The following FAM227B variants were observed in gnomAD, a reference collection of about 807,000 sequenced individuals.
FAM227B encodes the protein protein FAM227B.
FAM227B carries 88 observed loss-of-function variants against 73.8 expected under a neutral mutation model. That is an observed-to-expected ratio of 1.19 (90% CI 1.00 to 1.42). The LOEUF is 1.42. FAM227B is among the 40% of genes most tolerant of loss of function. The pLI, the probability that FAM227B is intolerant of heterozygous loss-of-function variation, is 0.00. For missense variants in FAM227B, 632 were observed against 590.9 expected (o/e 1.07, Z -0.72); for synonymous variants, 210 against 190.5 (o/e 1.10, Z -0.84).
intron 11 of FAM227B, among the ~76,000 whole-genome samples, chr15:49,478,282 C>T (rs1400510612): frequency 1.3e-5 from 2 of 151,940 alleles, no homozygotes; most frequent in South Asian, 2.1e-4. Context: ...TGCTTATTTG[C>T]CCTTTGTGTA....
intron 11 of FAM227B, among the ~76,000 whole-genome samples, chr15:49,411,348 T>C (rs2048862241): frequency 6.6e-6 from 1 of 152,094 alleles, no homozygotes; most frequent in African/African-American, 2.4e-5. Flanking sequence ...AATCAAAATA[T>C]ATTCTAGGTA....
At chr15:49,352,688 T>C (rs900552029) in intron 13 of FAM227B, among the ~76,000 whole-genome samples, 5 of 152,166 alleles carry the variant, frequency 3.3e-5, no homozygotes, top group Admixed American at 6.5e-5. Context: ...TCCCTAAAGA[T>C]AAGACAGTGA....
At position 49,368,436 on chromosome 15, in the gene FAM227B, G is replaced by A. The variant is rs1567167163; in HGVS notation, c.1111-828C>T. 7.2e-5 allele frequency among the ~76,000 whole-genome samples: 11 copies of A among 152,052 alleles called. No individual in the cohort carries two copies. The South Asian group carries it at 2.3e-3, about 32-fold the overall frequency. ...GTTCTCTTGAATTTCTTTTGCTTAT[G>A]GTCACTTTTTTATTCTATAGGTTTT... On this transcript the variant is annotated intron_variant, in intron 12 of 15. Coordinates refer to ENST00000299338, the MANE Select transcript of FAM227B (RefSeq NM_152647.3).
At chr15:49,411,073 T>C (rs1039302937) in intron 11 of FAM227B, among the ~76,000 whole-genome samples, 1 of 150,620 alleles carries the variant, frequency 6.6e-6, no homozygotes, top group Non-Finnish European at 1.5e-5. Context: ...GAAAAAAATA[T>C]AAAAAAGTGG....
intron 9 of FAM227B, among the ~76,000 whole-genome samples, chr15:49,553,100 T>C (rs968795867): frequency 5.3e-5 from 8 of 152,182 alleles, no homozygotes; most frequent in African/African-American, 1.9e-4. Flanking sequence ...TTATAGCTGT[T>C]CTACTTGGGA....
Position 49,371,360 on chromosome 15 carries a change from C to G in FAM227B, c.1052G>C (p.Arg351Thr). ...CTTGGATATGGGCAACGTATATGCT[C>G]TTGGGTTGTTCAGAATCTTTATAAT... ...FNIIKILNNP[R>T]AYTLPISKEE... Residue 351 changes from arginine (R) to threonine (T), a missense_variant, in exon 12 of 16, where the codon AGA becomes ACA. Physicochemically the swap from Arg to Thr is moderately conservative, Grantham distance 71 (BLOSUM62 -1). Transcript: ENST00000299338. 6.2e-7 allele frequency: 1 copy of G among 1,601,114 alleles called. No homozygotes were observed. Among genetic ancestry groups the G allele is most frequent in the East Asian group, 2.3e-5 (1 of 44,350 alleles).
intron 3 of FAM227B, among the ~76,000 whole-genome samples, chr15:49,607,091 A>T (rs558770525): frequency 1.3e-5 from 2 of 152,314 alleles, no homozygotes; most frequent in South Asian, 4.1e-4. Flanking sequence ...CAGAAATTTC[A>T]AACCCACCTT....
At chr15:49,519,380 G>T (rs988939057) in intron 10 of FAM227B, among the ~76,000 whole-genome samples, 5 of 152,172 alleles carry the variant, frequency 3.3e-5, no homozygotes, top group African/African-American at 1.2e-4. Flanking sequence ...TCTATGTGGG[G>T]ACTCTCACCC....
intron 10 of FAM227B, among the ~76,000 whole-genome samples, chr15:49,523,219 GT>G (rs2059912365): frequency 6.6e-6 from 1 of 152,188 alleles, no homozygotes; most frequent in Non-Finnish European, 1.5e-5. Context: ...AGCTGATATG[GT>G]TTGGCTGTGT....
chr15:49,516,626 G>A (rs958180446), intron 10 of FAM227B, among the ~76,000 whole-genome samples: 3 of 151,728 alleles, frequency 2.0e-5, no homozygotes, highest in Non-Finnish European at 4.4e-5. Flanking sequence ...TTGTAAGGCT[G>A]GGATGTGGAA....
Position 49,462,206 on chromosome 15 carries a change from A to C in FAM227B, c.1012+46005T>G, listed in dbSNP as rs2053862574. On this transcript the variant is annotated intron_variant, in intron 11 of 15. Transcript: ENST00000299338. Reference sequence around the variant, plus strand: ...CTGGGATGACTTAGGAGGATCTGGGATGAAAAAAAGATTGATTATTGCTTT... The same window carrying C: ...CTGGGATGACTTAGGAGGATCTGGGCTGAAAAAAAGATTGATTATTGCTTT... 2.0e-5 allele frequency among the ~76,000 whole-genome samples: 3 copies of C among 152,162 alleles called. No homozygotes were observed. The South Asian group carries it at 6.2e-4, about 32-fold the overall frequency.
intron 13 of FAM227B, chr15:49,365,751 C>G: frequency 1.2e-6 from 1 of 866,492 alleles, no homozygotes; most frequent in Non-Finnish European, 2.0e-6. Flanking sequence ...TCCAAGCCCA[C>G]CTGTCTTCAT....
intron 11 of FAM227B, among the ~76,000 whole-genome samples, chr15:49,440,383 T>C (rs112556413): frequency 0.023 from 3,531 of 151,774 alleles, 88 homozygotes; most frequent in South Asian, 0.13. Flanking sequence ...AAAGTATTTA[T>C]AGTGAAAAGC....
At chr15:49,612,612 T>C (rs1352859873) in intron 2 of FAM227B, among the ~76,000 whole-genome samples, 2 of 152,156 alleles carry the variant, frequency 1.3e-5, no homozygotes, top group East Asian at 3.9e-4. Flanking sequence ...AAAATACTTC[T>C]AGAGAATGAA....
rs544513663 is a variant in FAM227B at position 49,355,004 on chromosome 15, C to T, written c.1271+12444G>A. Among the ~76,000 whole-genome samples the T allele has an allele frequency of 4.9e-3, 733 of 150,616 alleles. 6 individuals are homozygous for T. The highest frequency in any genetic ancestry group is 0.016 in the African/African-American group (652 of 40,190). ...CACTGACACCTCACACGGCAGGGTA[C>T]TCCAACAGACCTGCAGCTGAGGGTC... is the stretch of plus-strand genomic sequence containing the variant. On this transcript the variant is annotated intron_variant, in intron 13 of 15. Transcript: ENST00000299338.
At chr15:49,364,145 A>G (rs1413113073) in intron 13 of FAM227B, among the ~76,000 whole-genome samples, 1 of 152,188 alleles carries the variant, frequency 6.6e-6, no homozygotes, top group African/African-American at 2.4e-5. Context: ...GTTAGGAAAG[A>G]GTCCCTCCTC....
At chr15:49,557,561 G>A (rs1350557212) in intron 9 of FAM227B, among the ~76,000 whole-genome samples, 1 of 152,184 alleles carries the variant, frequency 6.6e-6, no homozygotes, top group African/African-American at 2.4e-5. Flanking sequence ...CAAGTGGATT[G>A]TCAAGGAGAT....
intron 12 of FAM227B, among the ~76,000 whole-genome samples, chr15:49,370,797 G>A (rs1354577685): frequency 6.6e-6 from 1 of 152,114 alleles, no homozygotes; most frequent in African/African-American, 2.4e-5. Flanking sequence ...AACACATGGT[G>A]GTGAGTACAT....
intron 13 of FAM227B, among the ~76,000 whole-genome samples, chr15:49,338,441 T>C (rs1231873617): frequency 6.6e-6 from 1 of 152,258 alleles, no homozygotes; most frequent in Non-Finnish European, 1.5e-5. Flanking sequence ...TTTAAGAATG[T>C]TGAATATTGG....
Sources: allele counts gnomAD v4.1 joint callset (sites outside exome capture counted in the v4.1 genomes callset), GRCh38; gene constraint gnomAD v4.1.1; transcripts MANE v1.5; gene names NCBI Gene and HGNC (gene_info 2026-07-23, HGNC 2026-07-21).